Variants in UBAC1 observed in about 807,000 individuals in gnomAD.
The protein encoded by UBAC1 is UBA domain containing 1, also known as ubiquitin-associated domain-containing protein 1.
In UBAC1, 27 loss-of-function variants were observed where a neutral mutation model predicts 45.9. That is an observed-to-expected ratio of 0.59 (90% CI 0.43 to 0.81). The LOEUF (loss-of-function observed/expected upper bound fraction) is 0.81, where lower values mean the gene tolerates loss of function less well. Ranked by LOEUF, UBAC1 falls within the 30% of genes least tolerant of loss-of-function variation. The pLI is 0.00. For missense variants in UBAC1, 529 were observed against 539.2 expected (o/e 0.98, Z 0.19); for synonymous variants, 227 against 215.5 (o/e 1.05, Z -0.47).
chr9:135,943,026 A>G (rs531461134), intron 7 of UBAC1, among the ~76,000 whole-genome samples: 14 of 152,370 alleles, frequency 9.2e-5, no homozygotes, highest in Admixed American at 7.8e-4. Context: ...TTCACCTGAC[A>G]AAGGTCTAAT....
rs1446011971 is a variant in UBAC1, at chr9:135,945,430, A to C, written c.654-180T>G. On this transcript the variant is annotated intron_variant, in intron 6 of 9. Coordinates refer to ENST00000371756, the MANE Select transcript of UBAC1 (RefSeq NM_016172.3). ...ACGGAAGCGCTGGTCCTTGCCTCAGACTACCTTGAGACCCTGGGCAGAATC... is the reference window on the plus strand; with the variant it reads ...ACGGAAGCGCTGGTCCTTGCCTCAGCCTACCTTGAGACCCTGGGCAGAATC... The C allele has an allele frequency of 8.7e-6, 5 of 573,762 alleles. No individual in the cohort carries two copies. The African/African-American group carries it at 9.5e-5, about 11-fold the overall frequency. 35.5% of individuals were successfully genotyped at this position (573,762 alleles called of 1,614,324 possible). A position where few individuals can be genotyped will look rare whatever the true frequency, so the allele number is the denominator to read the frequency against.
chr9:135,952,840 A>G (rs1839422546), intron 3 of UBAC1, among the ~76,000 whole-genome samples: 1 of 152,230 alleles, frequency 6.6e-6, no homozygotes, highest in Non-Finnish European at 1.5e-5. Flanking sequence ...TGGCACTCAA[A>G]AAGTTTCAGA....
chr9:135,950,101 AG>A (rs1345660010), intron 3 of UBAC1, among the ~76,000 whole-genome samples: 2 of 152,200 alleles, frequency 1.3e-5, no homozygotes, highest in East Asian at 3.9e-4. Context: ...AGCCTCAGAA[AG>A]GAAGGCAGCC....
At chr9:135,943,107 A>G (rs1839288567) in intron 7 of UBAC1, among the ~76,000 whole-genome samples, 1 of 152,190 alleles carries the variant, frequency 6.6e-6, no homozygotes, top group Non-Finnish European at 1.5e-5. Flanking sequence ...GGCAAAGGAC[A>G]TGATCAGACT....
At chr9:135,950,236 G>A (rs185996161) in intron 3 of UBAC1, among the ~76,000 whole-genome samples, 109 of 152,358 alleles carry the variant, frequency 7.2e-4, no homozygotes, top group Non-Finnish European at 1.5e-3. Context: ...CAAGCGGAGT[G>A]CTGTTTTAAG....
chr9:135,944,913 G>C (rs1588532551), intron 7 of UBAC1, 115 bp downstream of exon 7: 1 of 1,057,812 alleles, frequency 9.5e-7, no homozygotes, highest in African/African-American at 1.6e-5. Context: ...CTCTCTCCTG[G>C]GACAGGAGCC....
intron 7 of UBAC1, among the ~76,000 whole-genome samples, chr9:135,940,965 A>G (rs1037952117): frequency 6.6e-6 from 1 of 152,230 alleles, no homozygotes; most frequent in Non-Finnish European, 1.5e-5. Flanking sequence ...GACTTCATGC[A>G]GCACTGCACC....
intron 1 of UBAC1, among the ~76,000 whole-genome samples, chr9:135,957,918 G>A (rs774108343): frequency 3.3e-5 from 5 of 151,784 alleles, no homozygotes; most frequent in Admixed American, 6.6e-5. Flanking sequence ...GGGATTACAG[G>A]AGTCCGCGAC....
intron 3 of UBAC1, chr9:135,948,171 A>C: frequency 2.6e-6 from 1 of 389,846 alleles, no homozygotes; most frequent in Non-Finnish European, 4.6e-6. Context: ...CAGAACGACA[A>C]CCACACAGGG....
Position 135,938,299 on chromosome 9 carries a change from G to C in UBAC1, c.1025C>G (p.Pro342Arg). ...SPEELDKGID[P>R]DSPLFQAILD... ...GATGGCCTGAAAGAGAGGACTGTCG[G>C]GGTCGATGCCCTTGTCCAGCTCCTC... Residue 342 changes from proline (P) to arginine (R), a missense_variant, in exon 9 of 10, where the codon CCC becomes CGC. Physicochemically the swap from Pro to Arg is moderately radical, Grantham distance 103. Transcript: ENST00000371756. 1 of 1,614,192 alleles carries C rather than the reference G, an allele frequency of 6.2e-7. No homozygotes were observed. The highest frequency in any genetic ancestry group is 8.5e-7 in the Non-Finnish European group (1 of 1,180,038).
chr9:135,955,329 G>A lies in UBAC1; in HGVS notation c.225C>T (p.Ala75=). Residue 75 remains alanine, a synonymous_variant, in exon 2 of 10, where the codon GCC becomes GCT. Coordinates refer to ENST00000371756, the MANE Select transcript of UBAC1 (RefSeq NM_016172.3). ...GGATGTTCTCTTCCAGGATGGTCCT[G>A]GCATCACTCAGCACCCTCTCTGAGG... ...HAASERVLSD[A]RTILEENIQD... The A allele has an allele frequency of 1.9e-6, 3 of 1,605,070 alleles. No individual in the cohort carries two copies. The highest frequency in any genetic ancestry group is 2.5e-6 in the Non-Finnish European group (3 of 1,177,646).
intron 1 of UBAC1, among the ~76,000 whole-genome samples, chr9:135,959,773 C>T (rs1839510440): frequency 6.6e-6 from 1 of 152,182 alleles, no homozygotes; most frequent in African/African-American, 2.4e-5. Flanking sequence ...CTTAGTGATG[C>T]CCCGATGGTT....
intron 1 of UBAC1, among the ~76,000 whole-genome samples, chr9:135,955,706 G>A (rs1306090911): frequency 7.2e-5 from 11 of 152,198 alleles, no homozygotes; most frequent in Non-Finnish European, 1.5e-4. Flanking sequence ...CTTTGGTCTA[G>A]AAAGATCTGG....
rs756622970 is a variant in UBAC1 at position 135,958,049 on chromosome 9, CT to C, written c.139-2635del. 9.8e-3 allele frequency among the ~76,000 whole-genome samples: 1,239 copies of C among 126,298 alleles called. 10 individuals carry two copies. Among genetic ancestry groups the C allele is most frequent in the African/African-American group, 0.033 (1,096 of 32,990 alleles). 82.9% of individuals were successfully genotyped at this position (126,298 alleles called of 152,430 possible). A position where few individuals can be genotyped will look rare whatever the true frequency, so the allele number is the denominator to read the frequency against. ...TCTACTGCACCACAGGTATAATTTT[CT>C]TTTTTTTTTTTTTTGAGACGGAGTC... is the stretch of plus-strand genomic sequence containing the variant. On this transcript the variant is annotated intron_variant, in intron 1 of 9. Transcript: ENST00000371756.
In UBAC1 at chr9:135,947,736, C is replaced by T. The variant is rs576303956; in HGVS notation, c.441+62G>A. 1.3e-5 allele frequency: 19 copies of T among 1,421,350 alleles called. No homozygotes were observed. The East Asian group carries it at 4.2e-4, about 31-fold the overall frequency. The allele number at this position is 1,421,350 out of a possible 1,614,324, so 88.0% of individuals were successfully genotyped here. On this transcript the variant is annotated intron_variant, in intron 4 of 9. Coordinates refer to ENST00000371756, the MANE Select transcript of UBAC1 (RefSeq NM_016172.3). ...TGCTGCCCCGCCCCGCAGGAACCCCCCCACAGCAATCCCCCACACGGGGAC... is the reference window on the plus strand; with the variant it reads ...TGCTGCCCCGCCCCGCAGGAACCCCTCCACAGCAATCCCCCACACGGGGAC...
chr9:135,941,902 G>C (rs535576233), intron 7 of UBAC1, among the ~76,000 whole-genome samples: 60 of 152,336 alleles, frequency 3.9e-4, no homozygotes, highest in African/African-American at 1.2e-3. Flanking sequence ...ATCCCTACTG[G>C]ACGACTGCCT....
chr9:135,934,579 G>T (rs1417977684), intron 9 of UBAC1, among the ~76,000 whole-genome samples: 1 of 152,198 alleles, frequency 6.6e-6, no homozygotes. Flanking sequence ...AGAATAGCAT[G>T]AACCAGGGAG....
intron 7 of UBAC1, among the ~76,000 whole-genome samples, chr9:135,942,816 C>A (rs11103235): frequency 0.23 from 35,720 of 152,090 alleles, 4,293 homozygotes; most frequent in Non-Finnish European, 0.28. Flanking sequence ...TACACACAGA[C>A]AGAACGTGCG....
chr9:135,961,064 G>A lies in UBAC1; in HGVS notation c.99C>T (p.Asp33=). ...GCTCCTTGAGCTTCTCCACCGAGGT[G>A]TCCTCGGTGGCCTCCTCCAGCCACT... is the stretch of plus-strand genomic sequence containing the variant. The part of the protein sequence containing the change: ...GAEWLEEATE[D]TSVEKLKERC... The change falls in exon 1 of 10, where the codon GAC becomes GAT. Residue 33 remains aspartate (D), a synonymous_variant. Coordinates refer to ENST00000371756, the MANE Select transcript of UBAC1 (RefSeq NM_016172.3). 6.3e-7 allele frequency: 1 copy of A among 1,581,876 alleles called. No individual in the cohort carries two copies. The highest frequency in any genetic ancestry group is 8.5e-7 in the Non-Finnish European group (1 of 1,169,746).
Sources: gnomAD v4.1 joint callset for allele counts (sites outside exome capture counted in the v4.1 genomes callset) on GRCh38, gnomAD v4.1.1 for gene constraint, MANE v1.5 for transcripts, NCBI Gene and HGNC (gene_info 2026-07-23, HGNC 2026-07-21) for gene names.